Variants in CCNY observed in about 807,000 individuals in gnomAD.
CCNY encodes the protein cyclin Y.
A neutral mutation model predicts 42.8 loss-of-function variants in CCNY; 19 were observed. That is an observed-to-expected ratio of 0.44 (90% CI 0.31 to 0.65). The LOEUF (loss-of-function observed/expected upper bound fraction) is 0.65, where lower values mean the gene tolerates loss of function less well. Among genes scored for constraint, CCNY ranks in the 30% least tolerant of loss-of-function variants. CCNY has a pLI of 0.07. For synonymous variants in CCNY, 165 were observed against 162.7 expected (o/e 1.01, Z -0.11); for missense variants, 370 against 437.3 (o/e 0.85, Z 1.37).
At chr10:35,446,590 G>T (rs1838794747) in intron 1 of CCNY, among the ~76,000 whole-genome samples, 1 of 152,212 alleles carries the variant, frequency 6.6e-6, no homozygotes. Flanking sequence ...GACAGGAATT[G>T]TAATAAGCTG....
rs935266194 is a variant in CCNY at position 35,480,371 on chromosome 10, C to T, written c.155-3033C>T. Among the ~76,000 whole-genome samples the T allele has an allele frequency of 7.2e-5, 11 of 152,134 alleles. No homozygotes were observed. In the South Asian group the frequency reaches 1.7e-3, roughly 23 times the overall value. On this transcript the variant is annotated intron_variant, in intron 1 of 9. Coordinates refer to ENST00000374704, the MANE Select transcript of CCNY (RefSeq NM_145012.6). ...CCCCCACAGAGAACAAGTGGTCATTCCGCCTTTCCTCGCTGCAGCCCTCTT... is the reference window on the plus strand; with the variant it reads ...CCCCCACAGAGAACAAGTGGTCATTTCGCCTTTCCTCGCTGCAGCCCTCTT...
At chr10:35,283,941 G>A (rs1037050107) in intron 3 of CCNY, among the ~76,000 whole-genome samples, 1 of 151,928 alleles carries the variant, frequency 6.6e-6, no homozygotes, top group Non-Finnish European at 1.5e-5. Context: ...AAAATTAGCC[G>A]GGCTTGGTGG....
intron 3 of CCNY, among the ~76,000 whole-genome samples, chr10:35,322,745 C>G (rs1835835068): frequency 6.6e-6 from 1 of 152,140 alleles, no homozygotes; most frequent in Non-Finnish European, 1.5e-5. Flanking sequence ...ATGTCAACAT[C>G]ATTAGCCATC....
At chr10:35,359,431 T>C (rs1836631526) in intron 1 of CCNY, among the ~76,000 whole-genome samples, 1 of 152,238 alleles carries the variant, frequency 6.6e-6, no homozygotes, top group Admixed American at 6.5e-5. Flanking sequence ...TTTTGTTTAT[T>C]TGTTTAAAAA....
intron 2 of CCNY, among the ~76,000 whole-genome samples, chr10:35,495,555 G>C (rs894923418): frequency 2.0e-4 from 30 of 152,032 alleles, no homozygotes; most frequent in African/African-American, 7.0e-4. Flanking sequence ...TGTTTCATTG[G>C]CTTTGCTTAT....
At chr10:35,347,511 C>T (rs571799067) in intron 1 of CCNY, 8 of 758,190 alleles carry the variant, frequency 1.1e-5, no homozygotes, top group African/African-American at 7.7e-5. Context: ...GCAGTGCTTA[C>T]AACATTTTAT....
At chr10:35,461,953 C>T (rs1487755946) in intron 1 of CCNY, among the ~76,000 whole-genome samples, 1 of 152,042 alleles carries the variant, frequency 6.6e-6, no homozygotes, top group African/African-American at 2.4e-5. Flanking sequence ...ACATCCCACT[C>T]TTTGCACCTC....
At chr10:35,351,435 C>T (rs776283472) in intron 1 of CCNY, among the ~76,000 whole-genome samples, 8 of 152,216 alleles carry the variant, frequency 5.3e-5, no homozygotes, top group Non-Finnish European at 1.2e-4. Context: ...TTTAAACAAG[C>T]TCAGTATATG....
At chr10:35,277,724 C>CT (rs201138322) in intron 3 of CCNY, among the ~76,000 whole-genome samples, 15,290 of 147,652 alleles carry the variant, frequency 0.1, 1,096 homozygotes, top group East Asian at 0.36. Context: ...CATGTAAATT[C>CT]TTTTTTTTTT....
At chr10:35,393,192 T>C (rs1379799343) in intron 1 of CCNY, among the ~76,000 whole-genome samples, 1 of 152,194 alleles carries the variant, frequency 6.6e-6, no homozygotes, top group African/African-American at 2.4e-5. Context: ...TTAATAAGCG[T>C]CAGAGTAATT....
chr10:35,273,725 C>T (rs751618187), intron 3 of CCNY, among the ~76,000 whole-genome samples: 3 of 152,154 alleles, frequency 2.0e-5, no homozygotes, highest in Admixed American at 2.0e-4. Context: ...ACCACTTGTG[C>T]GATGGAAGCT....
intron 7 of CCNY, among the ~76,000 whole-genome samples, chr10:35,534,403 G>C (rs752554028): frequency 6.6e-6 from 1 of 152,160 alleles, no homozygotes; most frequent in East Asian, 1.9e-4. Flanking sequence ...TGAGCATTCC[G>C]TGTGAGGTTA....
chr10:35,382,135 C>T (rs374747911), intron 1 of CCNY, among the ~76,000 whole-genome samples: 9 of 152,210 alleles, frequency 5.9e-5, no homozygotes, highest in South Asian at 2.1e-4. Context: ...TTCTGTGATT[C>T]GTTTTTAAGT....
At chr10:35,477,364 T>G (rs1320550428) in intron 1 of CCNY, among the ~76,000 whole-genome samples, 2 of 150,548 alleles carry the variant, frequency 1.3e-5, no homozygotes, top group Non-Finnish European at 3.0e-5. Context: ...ATATCCTTGA[T>G]GAACATTGAT....
chr10:35,492,953 GCTCTCCC>G (rs1204470553), intron 2 of CCNY, among the ~76,000 whole-genome samples: 1 of 152,110 alleles, frequency 6.6e-6, no homozygotes, highest in Non-Finnish European at 1.5e-5. Flanking sequence ...CCTCAGGCCA[GCTCTCCC>G]CTCTCCCCTC....
chr10:35,504,077 ATGT>A (rs1172572305), intron 3 of CCNY, among the ~76,000 whole-genome samples: 9 of 152,056 alleles, frequency 5.9e-5, no homozygotes, highest in African/African-American at 1.9e-4. Flanking sequence ...ATTGTGAGGG[ATGT>A]TGTTTCTTTA....
intron 3 of CCNY, among the ~76,000 whole-genome samples, chr10:35,306,251 T>G (rs377530597): frequency 1.3e-5 from 2 of 152,134 alleles, no homozygotes; most frequent in Non-Finnish European, 2.9e-5. Flanking sequence ...GCCAGGTTGG[T>G]CTTGAACTCC....
chr10:35,480,413 G>T (rs1839641490), intron 1 of CCNY, among the ~76,000 whole-genome samples: 1 of 152,188 alleles, frequency 6.6e-6, no homozygotes, highest in Middle Eastern at 3.4e-3. Flanking sequence ...GAGCGGAGAG[G>T]CACGGGCTGC....
chr10:35,283,225 G>A (rs117464254), intron 3 of CCNY, among the ~76,000 whole-genome samples: 30 of 152,166 alleles, frequency 2.0e-4, no homozygotes, highest in Non-Finnish European at 3.7e-4. Context: ...TAAGTGAATC[G>A]AGCAGCAGAA....
Sources: gnomAD v4.1 joint callset for allele counts (sites outside exome capture counted in the v4.1 genomes callset) on GRCh38, gnomAD v4.1.1 for gene constraint, MANE v1.5 for transcripts, NCBI Gene and HGNC (gene_info 2026-07-23, HGNC 2026-07-21) for gene names.